UGGT2: variants seen among roughly 807,000 people sequenced by gnomAD.
UGGT2 encodes the protein UDP-glucose glycoprotein glucosyltransferase 2.
Under a neutral mutation model 192.1 loss-of-function variants are expected in UGGT2, and 180 were observed. The ratio of observed to expected loss-of-function variants is 0.94; its 90% CI spans 0.83 to 1.06. The LOEUF (loss-of-function observed/expected upper bound fraction) is 1.06. Among genes scored for constraint, UGGT2 ranks in the 50% least tolerant of loss-of-function variants. UGGT2 has a pLI of 0.00. For synonymous variants in UGGT2, 580 were observed against 591.0 expected (o/e 0.98, Z 0.27); for missense variants, 1,849 against 1,795.7 (o/e 1.03, Z -0.54).
At chr13:96,022,957 A>AT (rs1335325738) in intron 4 of UGGT2, 83 bp downstream of exon 4, 16 of 924,934 alleles carry the variant, frequency 1.7e-5, no homozygotes, top group East Asian at 6.0e-5. Flanking sequence ...AGAATATTAA[A>AT]TTTTTTTTAT....
chr13:95,958,761 C>T (rs752088092), intron 12 of UGGT2, among the ~76,000 whole-genome samples: 11 of 152,084 alleles, frequency 7.2e-5, no homozygotes, highest in South Asian at 2.1e-4. Flanking sequence ...CAGGAGTACC[C>T]GAAAGCAAGA....
chr13:96,052,893 C>A (rs1289979732), intron 1 of UGGT2, among the ~76,000 whole-genome samples: 2 of 152,190 alleles, frequency 1.3e-5, no homozygotes, highest in African/African-American at 2.4e-5. Flanking sequence ...TACATCCCAA[C>A]GTATTAAAGC....
At chr13:96,027,136 GT>G (rs2052694552) in intron 2 of UGGT2, among the ~76,000 whole-genome samples, 1 of 152,090 alleles carries the variant, frequency 6.6e-6, no homozygotes, top group Admixed American at 6.6e-5. Flanking sequence ...AATACTTATA[GT>G]TACAAGGTCA....
intron 29 of UGGT2, among the ~76,000 whole-genome samples, chr13:95,868,775 C>T (rs529089188): frequency 1.3e-5 from 2 of 152,150 alleles, no homozygotes; most frequent in Non-Finnish European, 2.9e-5. Context: ...AGCCAGCTAG[C>T]AGAGCACTAC....
At chr13:95,907,507 C>A (rs1220642772) in intron 20 of UGGT2, among the ~76,000 whole-genome samples, 2 of 152,176 alleles carry the variant, frequency 1.3e-5, no homozygotes, top group African/African-American at 4.8e-5. Flanking sequence ...CAGGGGCCGA[C>A]AGACACCTCA....
At chr13:95,815,882 A>G (rs1884828327) in intron 38 of UGGT2, among the ~76,000 whole-genome samples, 1 of 152,204 alleles carries the variant, frequency 6.6e-6, no homozygotes, top group African/African-American at 2.4e-5. Flanking sequence ...ACGGGGGCAG[A>G]GTCCTCATGA....
Position 95,902,851 on chromosome 13 carries a change from G to T in UGGT2, c.2502+3C>A. The T allele has an allele frequency of 6.2e-7, 1 of 1,610,586 alleles. No homozygotes were observed. The highest frequency in any genetic ancestry group is 1.1e-5 in the South Asian group (1 of 90,490). On this transcript the variant is annotated splice_donor_region_variant and intron_variant, in intron 21 of 38. Coordinates refer to ENST00000376747, the MANE Select transcript of UGGT2 (RefSeq NM_020121.4). ...ATATTTAATATTTCAAATAGCTACT[G>T]ACCTCAATAAGGAATGTTTTAATTT...
chr13:95,924,393 C>CTTTTTTTTTTTTTTTTTTTTTTT lies in UGGT2; in HGVS notation c.2295+1264_2295+1286dup, dbSNP rs59757283. On this transcript the variant is annotated intron_variant, in intron 20 of 38. Coordinates refer to ENST00000376747, the MANE Select transcript of UGGT2 (RefSeq NM_020121.4). ...AATAGATGTAATAGATCCCAAACAG[C>CTTTTTTTTTTTTTTTTTTTTTTT]TTTTTTTTTTTTTTTTTTTTTTTTT... Among the ~76,000 whole-genome samples, 29 of 63,358 alleles carry CTTTTTTTTTTTTTTTTTTTTTTT rather than the reference C, an allele frequency of 4.6e-4. 2 individuals carry two copies. The highest frequency in any genetic ancestry group is 7.3e-4 in the Non-Finnish European group (23 of 31,672). 41.6% of individuals were successfully genotyped at this position (63,358 alleles called of 152,430 possible).
intron 22 of UGGT2, among the ~76,000 whole-genome samples, chr13:95,897,540 T>C (rs955537742): frequency 4.6e-5 from 7 of 152,188 alleles, no homozygotes; most frequent in African/African-American, 1.7e-4. Context: ...GTTCCAATTC[T>C]AATGGAAACA....
At position 95,904,383 on chromosome 13, in the gene UGGT2, C is replaced by T. The variant is rs893262494; in HGVS notation, c.2296-1323G>A. ...TATGTATACATGTGCCATGCTGGTG[C>T]ACTGCACCCATTAACTCGTCATCTA... On this transcript the variant is annotated intron_variant, in intron 20 of 38. Coordinates refer to ENST00000376747, the MANE Select transcript of UGGT2 (RefSeq NM_020121.4). Among the ~76,000 whole-genome samples, 66 of 151,028 alleles carry T rather than the reference C, an allele frequency of 4.4e-4. 1 individual carries two copies. Among genetic ancestry groups the T allele is most frequent in the African/African-American group, 1.4e-3 (57 of 41,000 alleles).
Position 96,053,165 on chromosome 13 carries a change from G to C in UGGT2, c.148C>G (p.Leu50Val). 6.6e-7 allele frequency: 1 copy of C among 1,512,382 alleles called. No individual in the cohort carries two copies. The allele number at this position is 1,512,382 out of a possible 1,614,324, so 93.7% of individuals were successfully genotyped here. Residue 50 changes from leucine (L) to valine (V), a missense_variant, in exon 1 of 39, where the codon CTG (leucine) becomes GTG (valine). Transcript: ENST00000376747. ...AAKWPETPLL[L>V]EASEFMAEES... Reference sequence around the variant, plus strand: ...CCGGCCCGCACCCACCTTGCCTCCAGCAGCAGCGGGGTCTCGGGCCACTTC... The same window carrying C: ...CCGGCCCGCACCCACCTTGCCTCCACCAGCAGCGGGGTCTCGGGCCACTTC...
At chr13:95,843,815 A>C (rs2139968173) in intron 36 of UGGT2, among the ~76,000 whole-genome samples, 1 of 152,188 alleles carries the variant, frequency 6.6e-6, no homozygotes, top group East Asian at 1.9e-4. Flanking sequence ...ATTCTAATTC[A>C]TGGATCAAAT....
intron 33 of UGGT2, chr13:95,856,784 G>A (rs914033258): frequency 7.2e-6 from 2 of 277,970 alleles, no homozygotes; most frequent in African/African-American, 4.6e-5. Flanking sequence ...TAAGTTCTAA[G>A]CTGATAAATT....
intron 22 of UGGT2, among the ~76,000 whole-genome samples, chr13:95,899,429 A>G (rs531868748): frequency 6.6e-6 from 1 of 152,280 alleles, no homozygotes; most frequent in South Asian, 2.1e-4. Context: ...GGTTCACAGT[A>G]GGTGTAAGAT....
chr13:95,901,077 G>A (rs1044784185), intron 21 of UGGT2, 139 bp from the exon 22 acceptor site: 120 of 663,878 alleles, frequency 1.8e-4, no homozygotes, highest in Non-Finnish European at 4.9e-5. Flanking sequence ...TTCTTTGAAA[G>A]AACATTTTTA....
chr13:96,050,340 TAA>T (rs1245698294), intron 1 of UGGT2, among the ~76,000 whole-genome samples: 1 of 152,210 alleles, frequency 6.6e-6, no homozygotes, highest in Non-Finnish European at 1.5e-5. Context: ...CAAGATGGAC[TAA>T]AGACTTAAAT....
chr13:96,043,712 G>T (rs183355787), intron 1 of UGGT2, among the ~76,000 whole-genome samples: 1 of 152,012 alleles, frequency 6.6e-6, no homozygotes, highest in Admixed American at 6.6e-5. Context: ...AGCAAGAGTA[G>T]CTATTCTTAT....
intron 22 of UGGT2, among the ~76,000 whole-genome samples, chr13:95,895,652 A>T (rs1317904730): frequency 6.6e-6 from 1 of 152,048 alleles, no homozygotes; most frequent in African/African-American, 2.4e-5. Flanking sequence ...TGATGCTTCC[A>T]AATACCATTT....
At position 95,986,321 on chromosome 13, in the gene UGGT2, A is replaced by C; in HGVS notation, c.1031+12T>G. On this transcript the variant is annotated intron_variant, in intron 9 of 38. Coordinates refer to ENST00000376747, the MANE Select transcript of UGGT2 (RefSeq NM_020121.4). ...GTTATAGCTGCAATGAAACCTATAA[A>C]CTTTAACATACCTGGCTTTTATGGG... The C allele has an allele frequency of 1.3e-6, 2 of 1,538,020 alleles. No individual in the cohort carries two copies. The highest frequency in any genetic ancestry group is 2.3e-5 in the South Asian group (2 of 87,460).
Sources: allele counts gnomAD v4.1 joint callset (sites outside exome capture counted in the v4.1 genomes callset), GRCh38; gene constraint gnomAD v4.1.1; transcripts MANE v1.5; gene names NCBI Gene and HGNC (gene_info 2026-07-23, HGNC 2026-07-21).